The following AMOTL2 variants were observed in gnomAD, a reference collection of about 807,000 sequenced individuals.
AMOTL2 encodes the protein angiomotin-like protein 2.
Under a neutral mutation model 78.4 loss-of-function variants are expected in AMOTL2, and 33 were observed. The observed-to-expected ratio is 0.42, with a 90% CI of 0.32 to 0.56. The LOEUF (loss-of-function observed/expected upper bound fraction) is 0.56, where lower values mean the gene tolerates loss of function less well. Ranked by LOEUF, AMOTL2 falls within the 20% of genes least tolerant of loss-of-function variation. AMOTL2 has a pLI of 0.12. For synonymous variants in AMOTL2, 422 were observed against 428.8 expected (o/e 0.98, Z 0.20); for missense variants, 983 against 1,030.1 (o/e 0.95, Z 0.63).
At chr3:134,373,943 T>C in intron 1 of AMOTL2, 2 of 627,148 alleles carry the variant, frequency 3.2e-6, no homozygotes, top group Non-Finnish European at 4.0e-6. Context: ...CAAAGGCACC[T>C]GTAACCCCCA....
At position 134,361,712 on chromosome 3, in the gene AMOTL2, C is replaced by G; in HGVS notation, c.1375G>C (p.Glu459Gln). The change falls in exon 6 of 10, where the codon GAG becomes CAG. Residue 459 changes from glutamate to glutamine, a missense_variant. Coordinates refer to ENST00000249883, the MANE Select transcript of AMOTL2 (RefSeq NM_016201.4). ...CCCTGCGCATTGCCCAGAGCCTGCT[C>G]CAGCAGCTCGGCACGCCGCCGCTGG... ...EDQRRRAELL[E>Q]QALGNAQGRA... 2 of 1,609,732 alleles carry G rather than the reference C, an allele frequency of 1.2e-6. No homozygotes were observed. Among genetic ancestry groups the G allele is most frequent in the Non-Finnish European group, 1.7e-6 (2 of 1,178,560 alleles).
At position 134,370,651 on chromosome 3, in the gene AMOTL2, G is replaced by C. The variant is rs768626025; in HGVS notation, c.734+49C>G. 5 of 1,501,274 alleles carry C rather than the reference G, an allele frequency of 3.3e-6. No homozygotes were observed. In the African/African-American group the frequency reaches 5.6e-5, roughly 17 times the overall value. 93.0% of individuals were successfully genotyped at this position (1,501,274 alleles called of 1,614,324 possible). On this transcript the variant is annotated intron_variant, in intron 2 of 9. Transcript: ENST00000249883. ...TGAGGCTCTCCTCCCTGAGAGACCT[G>C]TGCTGGAAGAAAGCCAGGAGTTGGA...
rs759486032 is a variant in AMOTL2 at position 134,367,636 on chromosome 3, G to T, written c.902C>A (p.Ala301Asp). The T allele has an allele frequency of 1.9e-6, 3 of 1,613,386 alleles. No homozygotes were observed. In the Admixed American group the frequency reaches 5.0e-5, roughly 27 times the overall value. Residue 301 changes from alanine to aspartate, a missense_variant, in exon 3 of 10, where the codon GCC becomes GAC. Coordinates refer to ENST00000249883, the MANE Select transcript of AMOTL2 (RefSeq NM_016201.4). ...PAVEGPVSAQ[A>D]SSATSGSAHL... ...GGCACTGCCCGAGGTGGCTGAGGAG[G>T]CCTGGGCACTCACTGGCCCCTCCAC...
At position 134,357,050 on chromosome 3, in the gene AMOTL2, A is replaced by T. The variant is rs2017112587; in HGVS notation, c.*655T>A. 1 of 152,864 alleles carries T rather than the reference A, an allele frequency of 6.5e-6. No homozygotes were observed. The highest frequency in any genetic ancestry group is 1.5e-5 in the Non-Finnish European group (1 of 68,262). The allele number at this position is 152,864 out of a possible 1,614,324, so 9.5% of individuals were successfully genotyped here. ...AGGCCTCAGTCTTCTGTTCCACAAG[A>T]AAGGGAATTATATACAAACTGCGCA... On this transcript the variant is annotated 3_prime_UTR_variant, in exon 10 of 10. Coordinates refer to ENST00000249883, the MANE Select transcript of AMOTL2 (RefSeq NM_016201.4).
intron 1 of AMOTL2, among the ~76,000 whole-genome samples, chr3:134,372,340 T>C (rs2017899063): frequency 1.3e-5 from 2 of 151,996 alleles, no homozygotes; most frequent in African/African-American, 2.4e-5. Context: ...GAAGGAGTAA[T>C]TGCACCTGAA....
Position 134,366,381 on chromosome 3 carries a change from G to T in AMOTL2, c.1088C>A (p.Thr363Asn). 1.2e-6 allele frequency: 2 copies of T among 1,613,984 alleles called. No homozygotes were observed. The highest frequency in any genetic ancestry group is 2.2e-5 in the East Asian group (1 of 44,856). ...GGCCTCACGCTTGGAGGAGGCTCTG[G>T]TCAGGCTCTCATGGGCCTCAGAGAG... is the stretch of plus-strand genomic sequence containing the variant. ...QRLSEAHESL[T>N]RASSKREALE... The change falls in exon 4 of 10, where the codon ACC becomes AAC. Residue 363 changes from threonine to asparagine, a missense_variant. Transcript: ENST00000249883.
chr3:134,374,925 G>A, upstream of AMOTL2: 1 of 714,880 alleles, frequency 1.4e-6, no homozygotes, highest in Non-Finnish European at 1.7e-6. Context: ...GTGTGTGTGT[G>A]TGCGTGTGTG....
At position 134,359,442 on chromosome 3, in the gene AMOTL2, G is replaced by A. The variant is rs140029062; in HGVS notation, c.1945C>T (p.Arg649Cys). 1,045 of 1,614,158 alleles carry A rather than the reference G, an allele frequency of 6.5e-4. 5 individuals carry two copies. Among genetic ancestry groups the A allele is most frequent in the South Asian group, 3.6e-3 (330 of 91,076 alleles). Residue 649 changes from arginine to cysteine, a missense_variant, in exon 8 of 10, where the codon CGC becomes TGC. Physicochemically the swap from Arg to Cys is radical, Grantham distance 180. Coordinates refer to ENST00000249883, the MANE Select transcript of AMOTL2 (RefSeq NM_016201.4). Reference protein sequence around the residue: ...KDAVIKVLQQRSRRDPGKAIQ... With the variant: ...KDAVIKVLQQCSRRDPGKAIQ... ...GCCTTGCCAGGGTCTCTCCTGGAGCGCTGCTGAAGGACCTTGATCACTGCA... is the reference window on the plus strand; with the variant it reads ...GCCTTGCCAGGGTCTCTCCTGGAGCACTGCTGAAGGACCTTGATCACTGCA...
In AMOTL2 at chr3:134,370,707, C is replaced by G. The variant is rs750069447; in HGVS notation, c.727G>C (p.Glu243Gln). 4 of 1,509,882 alleles carry G rather than the reference C, an allele frequency of 2.6e-6. No homozygotes were observed. Among genetic ancestry groups the G allele is most frequent in the Non-Finnish European group, 2.7e-6 (3 of 1,129,366 alleles). 93.5% of individuals were successfully genotyped at this position (1,509,882 alleles called of 1,614,324 possible). ...CAAGGTGGGGAGAGTTACCTGACTT[C>G]AGCATGCTGGAAGTGCGGGCTGCCG... ...ARGSPHFQHA[E>Q]VRILQAQVPP... Residue 243 changes from glutamate to glutamine, a missense_variant, in exon 2 of 10, where the codon GAA (glutamate) becomes CAA (glutamine). By Grantham distance (29) the Glu-to-Gln change is conservative (BLOSUM62 2). Coordinates refer to ENST00000249883, the MANE Select transcript of AMOTL2 (RefSeq NM_016201.4).
chr3:134,375,282 T>G, upstream of AMOTL2: 1 of 1,526,038 alleles, frequency 6.6e-7, no homozygotes, highest in Non-Finnish European at 8.8e-7. Flanking sequence ...GTGCCACCGC[T>G]GGCTTTTCGC....
chr3:134,358,736 A>G lies in AMOTL2; in HGVS notation c.2105-17T>C, dbSNP rs2017201576. ...CTCTGTCTGCTGGAAAGGTAGGTGG[A>G]TGGTTATTGCCATGCCTGTAAGATG... On this transcript the variant is annotated splice_polypyrimidine_tract_variant and intron_variant, in intron 8 of 9. Transcript: ENST00000249883. 6.2e-7 allele frequency: 1 copy of G among 1,613,746 alleles called. No individual in the cohort carries two copies. Among genetic ancestry groups the G allele is most frequent in the Non-Finnish European group, 8.5e-7 (1 of 1,179,948 alleles).
At chr3:134,367,999 T>C in intron 2 of AMOTL2, 196 bp from the exon 3 acceptor site, 1 of 509,316 alleles carries the variant, frequency 2.0e-6, no homozygotes, top group Non-Finnish European at 3.4e-6. Flanking sequence ...GGAAGGCCTT[T>C]TCCAAATGTT....
At chr3:134,368,167 A>C (rs1322874211) in intron 2 of AMOTL2, among the ~76,000 whole-genome samples, 3 of 152,142 alleles carry the variant, frequency 2.0e-5, no homozygotes, top group Admixed American at 2.0e-4. Flanking sequence ...TCATCTTAAA[A>C]AATGCACCCT....
chr3:134,374,141 C>A, intron 1 of AMOTL2: 16 of 790,938 alleles, frequency 2.0e-5, no homozygotes, highest in Non-Finnish European at 2.1e-5. Flanking sequence ...CCGCAAAGCC[C>A]AGCGCGCTGC....
At chr3:134,358,865 A>G in intron 8 of AMOTL2, 146 bp from the exon 9 acceptor site, 1 of 940,458 alleles carries the variant, frequency 1.1e-6, no homozygotes, top group Non-Finnish European at 1.6e-6. Context: ...AAATGCTCCT[A>G]TTTTCAAATG....
intron 5 of AMOTL2, among the ~76,000 whole-genome samples, chr3:134,363,661 G>A (rs1043246059): frequency 1.1e-4 from 17 of 152,198 alleles, no homozygotes; most frequent in Non-Finnish European, 2.5e-4. Context: ...GTGCTGGGGG[G>A]CTGCGTGGCT....
rs752254423 is a variant in AMOTL2 at position 134,357,690 on chromosome 3, G to A, written c.*15C>T. 1.1e-5 allele frequency: 17 copies of A among 1,613,852 alleles called. No homozygotes were observed. In the Admixed American group the frequency reaches 1.5e-4, roughly 14 times the overall value. ...AGGGGAGAGAATGGCTCAGAGTCCTGAAGCACCACCTCCTTCAGATCAGTA... is the reference window on the plus strand; with the variant it reads ...AGGGGAGAGAATGGCTCAGAGTCCTAAAGCACCACCTCCTTCAGATCAGTA... On this transcript the variant is annotated 3_prime_UTR_variant, in exon 10 of 10. Transcript: ENST00000249883.
chr3:134,355,385 G>A lies in AMOTL2; in HGVS notation c.*2320C>T, dbSNP rs1416799659. On this transcript the variant is annotated 3_prime_UTR_variant, in exon 10 of 10. Coordinates refer to ENST00000249883, the MANE Select transcript of AMOTL2 (RefSeq NM_016201.4). The stretch of plus-strand genomic sequence containing the variant: ...CTTTAATTTTGAATTGGAGCAATAT[G>A]CTTTCCTGAGCATCAGGAAAGAGTG... Among the ~76,000 whole-genome samples the A allele has an allele frequency of 6.6e-6, 1 of 152,224 alleles. No individual in the cohort carries two copies. Among genetic ancestry groups the A allele is most frequent in the African/African-American group, 2.4e-5 (1 of 41,454 alleles).
intron 9 of AMOTL2, 89 bp downstream of exon 9, chr3:134,358,451 G>A (rs1005432231): frequency 1.6e-5 from 24 of 1,465,894 alleles, no homozygotes; most frequent in East Asian, 7.0e-5. Context: ...CCCGGAGGGG[G>A]TCTGGGAAGA....
Sources: allele counts gnomAD v4.1 joint callset (sites outside exome capture counted in the v4.1 genomes callset), GRCh38; gene constraint gnomAD v4.1.1; transcripts MANE v1.5; gene names NCBI Gene and HGNC (gene_info 2026-07-23, HGNC 2026-07-21).